PTK2: variants seen among roughly 807,000 people sequenced by gnomAD.
PTK2 encodes the protein focal adhesion kinase 1.
PTK2 carries 45 observed loss-of-function variants against 150.1 expected under a neutral mutation model. The observed-to-expected ratio is 0.30, with a 90% CI of 0.24 to 0.38. PTK2 has a LOEUF of 0.38. Among genes scored for constraint, PTK2 ranks in the 10% least tolerant of loss-of-function variants. PTK2 has a pLI of 1.00. For missense variants in PTK2, 919 were observed against 1,307.3 expected, an observed-to-expected ratio of 0.70 and a Z score of 4.58; for synonymous variants, 432 against 449.2, an observed-to-expected ratio of 0.96 and a Z score of 0.48.
At chr8:140,912,284 A>G (rs2100163504) in intron 2 of PTK2, among the ~76,000 whole-genome samples, 1 of 151,918 alleles carries the variant, frequency 6.6e-6, no homozygotes, top group Admixed American at 6.6e-5. Context: ...AAATCAGGAT[A>G]ATATGTCATG....
intron 10 of PTK2, among the ~76,000 whole-genome samples, chr8:140,806,519 T>TA (rs1029459770): frequency 6.3e-4 from 95 of 150,500 alleles, no homozygotes; most frequent in African/African-American, 2.0e-3. Context: ...ATCTCATAAT[T>TA]AAAAAAAAAA....
intron 10 of PTK2, among the ~76,000 whole-genome samples, chr8:140,813,110 A>G (rs543151304): frequency 6.6e-6 from 1 of 152,338 alleles, no homozygotes; most frequent in East Asian, 1.9e-4. Flanking sequence ...CACATACTCT[A>G]AAATCAATTA....
At chr8:140,782,259 G>T (rs1396988133) in intron 14 of PTK2, among the ~76,000 whole-genome samples, 5 of 150,334 alleles carry the variant, frequency 3.3e-5, no homozygotes, top group East Asian at 1.9e-4. Flanking sequence ...TTTTTTGGGG[G>T]GGGGGACAGG....
intron 2 of PTK2, among the ~76,000 whole-genome samples, chr8:140,911,503 G>A (rs2100163143): frequency 6.6e-6 from 1 of 151,702 alleles, no homozygotes; most frequent in Non-Finnish European, 1.5e-5. Context: ...ATGTTAAGTG[G>A]GAGACACATT....
At chr8:140,889,885 G>A (rs1274480363) in intron 3 of PTK2, among the ~76,000 whole-genome samples, 2 of 152,178 alleles carry the variant, frequency 1.3e-5, no homozygotes, top group South Asian at 2.1e-4. Context: ...CCACAATTCT[G>A]TATCACTATC....
At chr8:140,871,856 T>C (rs545061839) in intron 4 of PTK2, among the ~76,000 whole-genome samples, 1 of 152,186 alleles carries the variant, frequency 6.6e-6, no homozygotes, top group South Asian at 2.1e-4. Flanking sequence ...TCCAGCCTGT[T>C]TAACAAGGCA....
chr8:140,846,243 G>T lies in PTK2; in HGVS notation c.593+17C>A, dbSNP rs200892457. 1.0e-4 allele frequency: 165 copies of T among 1,578,106 alleles called. No individual in the cohort carries two copies. The highest frequency in any genetic ancestry group is 6.1e-4 in the Admixed American group (35 of 57,818). On this transcript the variant is annotated intron_variant, in intron 7 of 31. Transcript: ENST00000522684. The stretch of plus-strand genomic sequence containing the variant: ...TTCTGCATATTTGCAGGTATAGATT[G>T]TAAGTACAATACTTACTCTAATACT...
intron 10 of PTK2, among the ~76,000 whole-genome samples, chr8:140,807,413 C>T (rs1188533230): frequency 6.6e-6 from 1 of 152,222 alleles, no homozygotes; most frequent in African/African-American, 2.4e-5. Context: ...ATCTAGCCTA[C>T]CACCTAGCAC....
intron 22 of PTK2, among the ~76,000 whole-genome samples, chr8:140,734,531 A>G (rs2100051425): frequency 6.6e-6 from 1 of 152,210 alleles, no homozygotes; most frequent in Admixed American, 6.5e-5. Context: ...GAACCTCTCC[A>G]GGCCAGGCAA....
chr8:140,945,901 A>G (rs2100177536), intron 1 of PTK2, among the ~76,000 whole-genome samples: 1 of 152,180 alleles, frequency 6.6e-6, no homozygotes, highest in African/African-American at 2.4e-5. Flanking sequence ...CCCCAAGAAG[A>G]CATCATCTCC....
intron 10 of PTK2, among the ~76,000 whole-genome samples, chr8:140,817,681 T>G (rs2100105580): frequency 6.6e-6 from 1 of 152,188 alleles, no homozygotes; most frequent in African/African-American, 2.4e-5. Context: ...TGTTCCTTAT[T>G]GTATCTCAAA....
intron 27 of PTK2, among the ~76,000 whole-genome samples, chr8:140,684,215 G>C (rs1278160191): frequency 5.3e-5 from 8 of 152,218 alleles, no homozygotes; most frequent in Non-Finnish European, 1.2e-4. Context: ...CACGGACTCA[G>C]GGGATGGGGT....
At chr8:140,985,172 A>T (rs2100192852) in intron 1 of PTK2, among the ~76,000 whole-genome samples, 1 of 152,038 alleles carries the variant, frequency 6.6e-6, no homozygotes, top group African/African-American at 2.4e-5. Flanking sequence ...CACTCAGGCT[A>T]GAGTGCAGTG....
chr8:140,700,696 G>T (rs900012633), intron 26 of PTK2, 195 bp downstream of exon 29: 2 of 494,816 alleles, frequency 4.0e-6, no homozygotes, highest in Non-Finnish European at 6.8e-6. Flanking sequence ...GGCTGGTCTC[G>T]AACTCCTGAC....
chr8:140,729,119 C>G (rs547630228), intron 22 of PTK2, among the ~76,000 whole-genome samples: 1 of 152,240 alleles, frequency 6.6e-6, no homozygotes, highest in African/African-American at 2.4e-5. Flanking sequence ...CTGAGCTAAG[C>G]TATAACCCTG....
At chr8:140,802,461 TTATAAAA>T in intron 11 of PTK2, among the ~76,000 whole-genome samples, 1 of 152,320 alleles carries the variant, frequency 6.6e-6, no homozygotes, top group Non-Finnish European at 1.5e-5. Flanking sequence ...AAAAATCAGT[TTATAAAA>T]TATAAAAGTT....
At chr8:140,686,668 G>A (rs1441199031) in exon 27 of PTK2, 24 of 1,613,666 alleles carry the variant, frequency 1.5e-5, no homozygotes, top group Non-Finnish European at 2.0e-5. Flanking sequence ...TGTCAATACT[G>A]CCTCGAGAGA....
intron 4 of PTK2, among the ~76,000 whole-genome samples, chr8:140,877,526 C>T (rs371067973): frequency 2.6e-5 from 4 of 152,148 alleles, no homozygotes; most frequent in African/African-American, 7.2e-5. Flanking sequence ...AAAATAAGAA[C>T]GATAGTCTCT....
chr8:140,903,573 A>T (rs1438394580), intron 2 of PTK2, among the ~76,000 whole-genome samples: 1 of 152,184 alleles, frequency 6.6e-6, no homozygotes, highest in African/African-American at 2.4e-5. Flanking sequence ...GACAGCATCG[A>T]ATCTATAAAT....
Sources: allele counts gnomAD v4.1 joint callset (sites outside exome capture counted in the v4.1 genomes callset), GRCh38; gene constraint gnomAD v4.1.1; transcripts MANE v1.5; gene names NCBI Gene and HGNC (gene_info 2026-07-23, HGNC 2026-07-21).